KANK2: variants seen among roughly 807,000 people sequenced by gnomAD.
KANK2 encodes KN motif and ankyrin repeat domain-containing protein 2.
KANK2 carries 41 observed loss-of-function variants against 74.6 expected under a neutral mutation model. The observed-to-expected ratio is 0.55, with a 90% CI of 0.43 to 0.71. KANK2 has a LOEUF of 0.71. Among genes scored for constraint, KANK2 ranks in the 30% least tolerant of loss-of-function variants. The pLI, the probability that KANK2 is intolerant of heterozygous loss-of-function variation, is 0.00. For synonymous variants in KANK2, 537 were observed against 519.0 expected (o/e 1.03, Z -0.47); for missense variants, 1,148 against 1,196.4 (o/e 0.96, Z 0.60).
intron 12 of KANK2, among the ~76,000 whole-genome samples, chr19:11,168,692 C>T (rs993522367): frequency 2.6e-5 from 4 of 152,102 alleles, no homozygotes; most frequent in Admixed American, 6.6e-5. Context: ...GCAGCAGGCG[C>T]TCAATAAATA....
Position 11,178,445 on chromosome 19 carries a change from C to T in KANK2, c.1420G>A (p.Gly474Arg), listed in dbSNP as rs145480621. The change falls in exon 6 of 13, where the codon GGG becomes AGG. Residue 474 changes from glycine to arginine, a missense_variant and splice_region_variant. By Grantham distance (125) the Gly-to-Arg change is moderately radical (BLOSUM62 -2). Coordinates refer to ENST00000586659, the MANE Select transcript of KANK2 (RefSeq NM_001136191.3). ...QESEEAGGTG[G>R]PPAGVRSIMK... ...ATAGATCGCACGCCTGCCGGGGGCC[C>T]GCCTGGAGGGGAGGACAGCGGAGGT... 53 of 1,597,922 alleles carry T rather than the reference C, an allele frequency of 3.3e-5. No homozygotes were observed. Among genetic ancestry groups the T allele is most frequent in the Non-Finnish European group, 4.0e-5 (47 of 1,174,050 alleles).
intron 3 of KANK2, 126 bp from the exon 4 acceptor site, chr19:11,194,168 G>A (rs1013574803): frequency 1.2e-5 from 13 of 1,042,846 alleles, no homozygotes; most frequent in Middle Eastern, 3.2e-4. Flanking sequence ...GTACTCAACC[G>A]CGTCTGCTCT....
intron 4 of KANK2, among the ~76,000 whole-genome samples, chr19:11,185,651 T>C (rs2078653879): frequency 6.7e-6 from 1 of 149,918 alleles, no homozygotes; most frequent in Non-Finnish European, 1.5e-5. Context: ...AGAGAAAAAA[T>C]GGAGAAAGGC....
chr19:11,196,092 CTT>C (rs1474643913), intron 1 of KANK2: 1 of 148,018 alleles, frequency 6.8e-6, no homozygotes, highest in Non-Finnish European at 1.4e-5. Context: ...GAGTTTTGCT[CTT>C]GTCGCCCAGG....
intron 1 of KANK2, chr19:11,197,047 GCCC>G (rs2079041074): frequency 6.6e-6 from 1 of 152,430 alleles, no homozygotes; most frequent in Non-Finnish European, 1.5e-5. Context: ...CCCAGGCCCA[GCCC>G]GGCCGGACGC....
chr19:11,193,840 C>T lies in KANK2; in HGVS notation c.240G>A (p.Trp80Ter). 1 of 1,612,720 alleles carries T rather than the reference C, an allele frequency of 6.2e-7. No homozygotes were observed. Among genetic ancestry groups the T allele is most frequent in the Non-Finnish European group, 8.5e-7 (1 of 1,179,578 alleles). The change falls in exon 4 of 13, where the codon TGG becomes TGA. Residue 80 changes from tryptophan (W) to a stop codon, truncating the protein, a stop_gained. Coordinates refer to ENST00000586659, the MANE Select transcript of KANK2 (RefSeq NM_001136191.3). LOFTEE classifies it high-confidence loss of function. The surrounding 1 kb of genome is among the most constrained non-coding windows in gnomAD (Gnocchi z 9.6). ...AGCACAGCGACTCAGTGGACGTCCA[C>T]CAGGAGCCAGGGCCACGGGGCAGCG... ...LSSLPRGPGS[W>*]WTSTESLCSN...
rs1177285285 is a variant in KANK2 at position 11,164,553 on chromosome 19, G to A, written c.*2005C>T. ...AGAGCTTAAAATAAATGCACTGGCTGGCTCCAGGGCTGGACACACAGGCAC... is the reference window on the plus strand; with the variant it reads ...AGAGCTTAAAATAAATGCACTGGCTAGCTCCAGGGCTGGACACACAGGCAC... On this transcript the variant is annotated 3_prime_UTR_variant, in exon 13 of 13. Transcript: ENST00000586659. 3 of 152,162 alleles carry A rather than the reference G, an allele frequency of 2.0e-5. No homozygotes were observed. Among genetic ancestry groups the A allele is most frequent in the Non-Finnish European group, 4.4e-5 (3 of 68,042 alleles). 9.4% of individuals were successfully genotyped at this position (152,162 alleles called of 1,614,324 possible).
Position 11,193,931 on chromosome 19 carries a change from A to G in KANK2, c.149T>C (p.Val50Ala), listed in dbSNP as rs2078939720. The change falls in exon 4 of 13, where the codon GTG (valine) becomes GCG (alanine). Residue 50 changes from valine to alanine, a missense_variant. Val to Ala is a moderately conservative substitution (Grantham distance 64, BLOSUM62 0). Transcript: ENST00000586659. The surrounding 1 kb of genome is among the most constrained non-coding windows in gnomAD (Gnocchi z 9.6). ...YRLDLDFLKYVDDIEKGHTLR... is the reference protein window; with the variant it reads ...YRLDLDFLKYADDIEKGHTLR... The stretch of plus-strand genomic sequence containing the variant: ...CGTGTGGCCCTTCTCGATGTCATCC[A>G]CGTACTTGAGGAAGTCCAGGTCCAG... 1 of 1,613,832 alleles carries G rather than the reference A, an allele frequency of 6.2e-7. No homozygotes were observed. The highest frequency in any genetic ancestry group is 1.7e-5 in the Admixed American group (1 of 60,000).
intron 4 of KANK2, among the ~76,000 whole-genome samples, chr19:11,186,750 G>A (rs2078688313): frequency 6.6e-6 from 1 of 152,144 alleles, no homozygotes; most frequent in African/African-American, 2.4e-5. Flanking sequence ...ATGTTGGTGA[G>A]GATATGAGAA....
rs576348444 is a variant in KANK2, at chr19:11,172,968, G to A, written c.2211+13C>T. The A allele has an allele frequency of 2.1e-5, 34 of 1,610,506 alleles. No homozygotes were observed. The highest frequency in any genetic ancestry group is 1.7e-4 in the Middle Eastern group (1 of 6,046). On this transcript the variant is annotated intron_variant, in intron 10 of 12. Transcript: ENST00000586659. ...AGAGCCACCTGGATCTGCAGCAGCC[G>A]GGGTCCCCATACCTGGCTGGCTTTG...
In KANK2 at chr19:11,174,583, G is replaced by A. The variant is rs145082533; in HGVS notation, c.1958C>T (p.Ala653Val). 1.4e-4 allele frequency: 218 copies of A among 1,613,116 alleles called. No individual in the cohort carries two copies. The highest frequency in any genetic ancestry group is 4.5e-4 in the African/African-American group (34 of 74,934). ...RHLVTFRAMS[A>V]RLLDYVVNIA... is the part of the protein sequence containing the mutation. ...GTTGACCACGTAGTCCAGCAGCCGC[G>A]CAGACATGGCCCGGAACGTGACCAG... The change falls in exon 9 of 13, where the codon GCG (alanine) becomes GTG (valine). Residue 653 changes from alanine (A) to valine (V), a missense_variant. Physicochemically the swap from Ala to Val is moderately conservative, Grantham distance 64. Coordinates refer to ENST00000586659, the MANE Select transcript of KANK2 (RefSeq NM_001136191.3).
intron 4 of KANK2, among the ~76,000 whole-genome samples, chr19:11,188,540 G>C (rs1197834862): frequency 2.7e-5 from 4 of 149,448 alleles, no homozygotes; most frequent in Non-Finnish European, 4.4e-5. Context: ...TTTAATTTAG[G>C]CTGGGTGCGG....
chr19:11,164,390 TTAAA>T lies in KANK2; in HGVS notation c.*2164_*2167del, dbSNP rs2077972859. On this transcript the variant is annotated 3_prime_UTR_variant, in exon 13 of 13. Coordinates refer to ENST00000586659, the MANE Select transcript of KANK2 (RefSeq NM_001136191.3). ...GACGTACCGTGATCAGAAAGTGAAATTAAAGCTCATGGATATGCGTGAGAAGAGA... is the reference window on the plus strand; with the variant it reads ...GACGTACCGTGATCAGAAAGTGAAATGCTCATGGATATGCGTGAGAAGAGA... 3.3e-5 allele frequency: 5 copies of T among 152,024 alleles called. No homozygotes were observed. Among genetic ancestry groups the T allele is most frequent in the Admixed American group, 3.3e-4 (5 of 15,234 alleles). 9.4% of individuals were successfully genotyped at this position (152,024 alleles called of 1,614,324 possible).
Position 11,193,766 on chromosome 19 carries a change from C to T in KANK2, c.314G>A (p.Arg105His), listed in dbSNP as rs768289917. 1.3e-5 allele frequency: 21 copies of T among 1,612,732 alleles called. No individual in the cohort carries two copies. The highest frequency in any genetic ancestry group is 3.3e-5 in the South Asian group (3 of 91,086). ...AGCACCATACTGAGGGTAGAAGCCA[C>T]GGCCGCAGTAGGAATAGGCTGAGTG... is the stretch of plus-strand genomic sequence containing the variant. ...SRHSAYSYCG[R>H]GFYPQYGALE... The change falls in exon 4 of 13, where the codon CGT becomes CAT. Residue 105 changes from arginine to histidine, a missense_variant. Transcript: ENST00000586659. This position sits in a 1 kb window ranked among gnomAD's most constrained non-coding sequence, Gnocchi z 9.6.
intron 10 of KANK2, 80 bp downstream of exon 10, chr19:11,172,901 G>A: frequency 2.0e-6 from 3 of 1,494,346 alleles, no homozygotes; most frequent in Non-Finnish European, 2.7e-6. Context: ...TAGACCACCT[G>A]GGTTTGGGCC....
rs1258658480 is a variant in KANK2, at chr19:11,164,581, A to AC, written c.*1976_*1977insG. 1 of 152,190 alleles carries AC rather than the reference A, an allele frequency of 6.6e-6. No individual in the cohort carries two copies. Among genetic ancestry groups the AC allele is most frequent in the African/African-American group, 2.4e-5 (1 of 41,448 alleles). 9.4% of individuals were successfully genotyped at this position (152,190 alleles called of 1,614,324 possible). On this transcript the variant is annotated 3_prime_UTR_variant, in exon 13 of 13. Transcript: ENST00000586659. The stretch of plus-strand genomic sequence containing the variant: ...TCCAGGGCTGGACACACAGGCACAG[A>AC]ACTCTTGTACCGCTTCTCAAAGCTG...
chr19:11,193,050 T>C lies in KANK2; in HGVS notation c.1030A>G (p.Ser344Gly). The change falls in exon 4 of 13, where the codon AGC becomes GGC. Residue 344 changes from serine (S) to glycine (G), a missense_variant. Ser to Gly is a moderately conservative substitution (Grantham distance 56, BLOSUM62 0). Coordinates refer to ENST00000586659, the MANE Select transcript of KANK2 (RefSeq NM_001136191.3). This position sits in a 1 kb window ranked among gnomAD's most constrained non-coding sequence, Gnocchi z 9.6. Reference sequence around the variant, plus strand: ...TGTGCGGGGGCGCCAGCGGCTGTGCTGGCCACCACCTCCACCTCCCGTGGC... The same window carrying C: ...TGTGCGGGGGCGCCAGCGGCTGTGCCGGCCACCACCTCCACCTCCCGTGGC... ...EGPREVEVVA[S>G]TAAGAPAQRA... The C allele has an allele frequency of 6.2e-7, 1 of 1,611,364 alleles. No homozygotes were observed. Among genetic ancestry groups the C allele is most frequent in the East Asian group, 2.2e-5 (1 of 44,812 alleles).
chr19:11,176,999 T>G (rs1045235045), intron 6 of KANK2, among the ~76,000 whole-genome samples, 182 bp from the exon 7 acceptor site: 1 of 151,332 alleles, frequency 6.6e-6, no homozygotes, highest in Non-Finnish European at 1.5e-5. Flanking sequence ...CAGTAAGCGC[T>G]CAATAAACAT....
At position 11,196,386 on chromosome 19, in the gene KANK2, A is replaced by C. The variant is rs577559983; in HGVS notation, c.-278-566T>G. 165 of 152,432 alleles carry C rather than the reference A, an allele frequency of 1.1e-3. 2 individuals are homozygous for C. The highest frequency in any genetic ancestry group is 3.9e-3 in the African/African-American group (161 of 41,548). 9.4% of individuals were successfully genotyped at this position (152,432 alleles called of 1,614,324 possible). A position where few individuals can be genotyped will look rare whatever the true frequency, so the allele number is the denominator to read the frequency against. On this transcript the variant is annotated intron_variant, in intron 1 of 12. Coordinates refer to ENST00000586659, the MANE Select transcript of KANK2 (RefSeq NM_001136191.3). The stretch of plus-strand genomic sequence containing the variant: ...CATCAACTCTTTTAATTGTCATGAC[A>C]ATTCTATGAGATGGGCACTTATCGC...
Sources: gnomAD v4.1 joint callset for allele counts (sites outside exome capture counted in the v4.1 genomes callset) on GRCh38, gnomAD v4.1.1 for gene constraint, Gnocchi (gnomAD v3.1) non-coding constraint, MANE v1.5 for transcripts, NCBI Gene and HGNC (gene_info 2026-07-23, HGNC 2026-07-21) for gene names.